The following ACACA variants were observed in gnomAD, a reference collection of about 807,000 sequenced individuals.
The protein encoded by ACACA is acetyl-CoA carboxylase alpha.
In ACACA, 103 loss-of-function variants were observed where a neutral mutation model predicts 296.1. The observed-to-expected ratio is 0.35, with a 90% CI of 0.30 to 0.41. The LOEUF is 0.41. ACACA is among the 10% of genes least tolerant of loss of function. The pLI is 1.00. For synonymous variants in ACACA, 953 were observed against 1,038.6 expected, an observed-to-expected ratio of 0.92 and a Z score of 1.58; for missense variants, 1,554 against 2,989.7, an observed-to-expected ratio of 0.52 and a Z score of 11.20.
chr17:37,267,786 T>C (rs1378724720), intron 10 of ACACA, among the ~76,000 whole-genome samples: 1 of 149,852 alleles, frequency 6.7e-6, no homozygotes, highest in Non-Finnish European at 1.5e-5. Flanking sequence ...TTTAAGACAA[T>C]GTCTTGCTCT....
chr17:37,263,338 T>A (rs1482929835), intron 11 of ACACA, among the ~76,000 whole-genome samples: 1 of 152,288 alleles, frequency 6.6e-6, no homozygotes, highest in Non-Finnish European at 1.5e-5. Flanking sequence ...AGCTGAAGAC[T>A]TGATGATACT....
chr17:37,387,305 A>C (rs983469048), intron 1 of ACACA: 2 of 151,464 alleles, frequency 1.3e-5, no homozygotes, highest in Admixed American at 6.6e-5. Context: ...TTTTTAGCAG[A>C]GACAGGGTTT....
chr17:37,284,847 C>A lies in ACACA; in HGVS notation c.462G>T (p.Val154=). The part of the protein sequence containing the change: ...EFVTRFGGNK[V]IEKVLIANNG... ...GCAAGTTACAACTTACCTTCTCAAT[C>A]ACTTTATTTCCCCCAAAGCGAGTAA... Residue 154 remains valine, a synonymous_variant, in exon 4 of 56, where the codon GTG becomes GTT. Coordinates refer to ENST00000616317, the MANE Select transcript of ACACA (RefSeq NM_198834.3). 1 of 1,614,178 alleles carries A rather than the reference C, an allele frequency of 6.2e-7. No individual in the cohort carries two copies. Among genetic ancestry groups the A allele is most frequent in the South Asian group, 1.1e-5 (1 of 91,084 alleles).
At chr17:37,098,452 C>G (rs1433453408) in intron 52 of ACACA, among the ~76,000 whole-genome samples, 3 of 152,238 alleles carry the variant, frequency 2.0e-5, no homozygotes, top group Non-Finnish European at 4.4e-5. Flanking sequence ...AAACTAGTAG[C>G]TCCTGTTTCC....
intron 38 of ACACA, 145 bp from the exon 39 acceptor site, chr17:37,188,625 T>C: frequency 7.5e-6 from 6 of 802,830 alleles, no homozygotes; most frequent in Admixed American, 2.3e-5. Context: ...AGTGGTCAGA[T>C]AGTTTCTCCC....
In ACACA at chr17:37,087,435, C is replaced by T. The variant is rs2072281154; in HGVS notation, c.7033G>A (p.Val2345Ile). 6.2e-7 allele frequency: 1 copy of T among 1,613,792 alleles called. No homozygotes were observed. The change falls in exon 56 of 56, where the codon GTC (valine) becomes ATC (isoleucine). Residue 2345 changes from valine to isoleucine, a missense_variant. Transcript: ENST00000616317. ...ATGGCAACCTCTGGATTGGCCTGGA[C>T]CAAGCTGGAAAGGAAGATTGAGAAT... The part of the protein sequence containing the change: ...DYVLKQIRSL[V>I]QANPEVAMDS...
intron 3 of ACACA, among the ~76,000 whole-genome samples, chr17:37,315,357 C>T (rs755417389): frequency 2.6e-5 from 4 of 152,180 alleles, no homozygotes; most frequent in Non-Finnish European, 4.4e-5. Flanking sequence ...TATTTACTTA[C>T]AACACTTTGA....
intron 3 of ACACA, among the ~76,000 whole-genome samples, chr17:37,286,885 C>T (rs972072122): frequency 6.6e-6 from 1 of 152,158 alleles, no homozygotes; most frequent in East Asian, 1.9e-4. Context: ...TTTTGTTCTC[C>T]CAGACTTAGA....
intron 1 of ACACA, among the ~76,000 whole-genome samples, chr17:37,372,842 TA>T (rs1221995074): frequency 2.0e-5 from 3 of 152,020 alleles, no homozygotes; most frequent in Non-Finnish European, 4.4e-5. Flanking sequence ...CTATTAGAAA[TA>T]ATAGAAACAT....
intron 24 of ACACA, among the ~76,000 whole-genome samples, chr17:37,238,514 G>A (rs2080231200): frequency 6.6e-6 from 1 of 151,880 alleles, no homozygotes. Flanking sequence ...CTTGATATCT[G>A]ATTAGGCAAA....
intron 29 of ACACA, among the ~76,000 whole-genome samples, chr17:37,218,294 A>G (rs2079127340): frequency 2.0e-5 from 3 of 152,240 alleles, no homozygotes; most frequent in African/African-American, 7.2e-5. Flanking sequence ...GATATGCTGT[A>G]AGTATAGAAT....
In ACACA at chr17:37,244,615, G is replaced by A; in HGVS notation, c.2715C>T (p.Cys905=). Residue 905 remains cysteine, a synonymous_variant, in exon 21 of 56, where the codon TGC becomes TGT. Transcript: ENST00000616317. ...TGCTGCTAAAGAAAGGATCTGGAAG[G>A]CAGTATCCATTCATTACATTGACCA... is the stretch of plus-strand genomic sequence containing the variant. ...DNLVNVMNGY[C]LPDPFFSSKV... 1 of 1,614,120 alleles carries A rather than the reference G, an allele frequency of 6.2e-7. No homozygotes were observed. The highest frequency in any genetic ancestry group is 1.7e-5 in the Admixed American group (1 of 60,026).
At chr17:37,281,074 T>TC (rs1400575323) in intron 5 of ACACA, among the ~76,000 whole-genome samples, 1 of 150,618 alleles carries the variant, frequency 6.6e-6, no homozygotes, top group Non-Finnish European at 1.5e-5. Flanking sequence ...TTTTTTTTTT[T>TC]CATTGAGACT....
intron 45 of ACACA, among the ~76,000 whole-genome samples, chr17:37,133,758 T>C (rs2075211585): frequency 6.6e-6 from 1 of 152,240 alleles, no homozygotes; most frequent in South Asian, 2.1e-4. Context: ...TTTTAATTTA[T>C]CTGTCCAGCA....
At position 37,206,939 on chromosome 17, in the gene ACACA, C is replaced by A. The variant is rs2078529024; in HGVS notation, c.3852-60G>T. ...CTCAAGTGGCATGAAACTAACACTGCCATTGGCAGCTGAGTCTAAAAGAAT... is the reference window on the plus strand; with the variant it reads ...CTCAAGTGGCATGAAACTAACACTGACATTGGCAGCTGAGTCTAAAAGAAT... On this transcript the variant is annotated intron_variant, in intron 31 of 55. Transcript: ENST00000616317. The A allele has an allele frequency of 3.0e-6, 4 of 1,354,300 alleles. No homozygotes were observed. The Admixed American group carries it at 5.1e-5, about 17-fold the overall frequency. The allele number at this position is 1,354,300 out of a possible 1,614,324, so 83.9% of individuals were successfully genotyped here. A position where few individuals can be genotyped will look rare whatever the true frequency, so the allele number is the denominator to read the frequency against.
At chr17:37,174,128 T>C (rs1162440660) in intron 41 of ACACA, among the ~76,000 whole-genome samples, 1 of 146,380 alleles carries the variant, frequency 6.8e-6, no homozygotes, top group African/African-American at 2.5e-5. Context: ...CCCAAAGTGT[T>C]GGGATTACAG....
intron 3 of ACACA, among the ~76,000 whole-genome samples, chr17:37,322,598 C>A (rs995611403): frequency 4.6e-5 from 7 of 152,234 alleles, no homozygotes; most frequent in Non-Finnish European, 1.0e-4. Context: ...CTCTGGCCTG[C>A]AACACCCCCA....
rs1380991547 is a variant in ACACA, at chr17:37,089,082, C to G, written c.6892-8G>C. On this transcript the variant is annotated splice_polypyrimidine_tract_variant and splice_region_variant and intron_variant, in intron 54 of 55. Coordinates refer to ENST00000616317, the MANE Select transcript of ACACA (RefSeq NM_198834.3). ...ATTGTCCCAAACATAAGCCTGCAAA[C>G]AGATGACTCTTGGTCAAACACCAGG... 5 of 1,614,086 alleles carry G rather than the reference C, an allele frequency of 3.1e-6. No individual in the cohort carries two copies. The highest frequency in any genetic ancestry group is 4.2e-6 in the Non-Finnish European group (5 of 1,180,042).
intron 43 of ACACA, among the ~76,000 whole-genome samples, chr17:37,155,195 C>T (rs1393033812): frequency 6.6e-6 from 1 of 151,946 alleles, no homozygotes; most frequent in East Asian, 1.9e-4. Context: ...TCTGAATGTT[C>T]AAATATATTT....
Sources: gnomAD v4.1 joint callset for allele counts (sites outside exome capture counted in the v4.1 genomes callset) on GRCh38, gnomAD v4.1.1 for gene constraint, MANE v1.5 for transcripts, NCBI Gene and HGNC (gene_info 2026-07-23, HGNC 2026-07-21) for gene names.